IGFN1: variants seen among roughly 807,000 people sequenced by gnomAD.
IGFN1 encodes immunoglobulin-like and fibronectin type III domain-containing protein 1.
IGFN1 carries 253 observed loss-of-function variants against 289.5 expected under a neutral mutation model. That is an observed-to-expected ratio of 0.87 (90% confidence interval 0.79 to 0.97). The LOEUF is 0.97. Ranked by LOEUF, IGFN1 falls within the 50% of genes least tolerant of loss-of-function variation. The pLI is 0.00. For synonymous variants in IGFN1, 1,706 were observed against 1,788.5 expected (o/e 0.95, Z 1.16); for missense variants, 4,470 against 4,686.1 (o/e 0.95, Z 1.35).
At position 201,208,241 on chromosome 1, in the gene IGFN1, G is replaced by C; in HGVS notation, c.3348G>C (p.Arg1116Ser). Residue 1116 changes from arginine to serine, a missense_variant, in exon 12 of 24, where the codon AGG becomes AGC. Arg to Ser is a moderately radical substitution (Grantham distance 110). This residue lies in a region of IGFN1 where 2,011 missense variants were observed against 1,953.4 expected (regional missense o/e 1.03). Coordinates refer to ENST00000335211, the MANE Select transcript of IGFN1 (RefSeq NM_001164586.2). The stretch of plus-strand genomic sequence containing the variant: ...AACCAGAGAGCTCTGGAAGAATAAG[G>C]CCTTGGGGTCAGACTGGAAATTATG... The part of the protein sequence containing the change: ...EAEPESSGRI[R>S]PWGQTGNYGG... The C allele has an allele frequency of 6.5e-7, 1 of 1,536,488 alleles. No homozygotes were observed.
At chr1:201,219,727 G>T (rs1234736371) in intron 18 of IGFN1, among the ~76,000 whole-genome samples, 1 of 152,220 alleles carries the variant, frequency 6.6e-6, no homozygotes, top group Non-Finnish European at 1.5e-5. Flanking sequence ...CACTGCAGGT[G>T]TTCAGGCTGT....
At chr1:201,194,371 C>G (rs1383042545) in intron 3 of IGFN1, 98 bp downstream of exon 3, 19 of 1,345,984 alleles carry the variant, frequency 1.4e-5, no homozygotes, top group Non-Finnish European at 1.7e-5. Flanking sequence ...GGGACCCAGG[C>G]CCTATATCCA....
Position 201,206,176 on chromosome 1 carries a change from T to C in IGFN1, c.1283T>C (p.Ile428Thr). ...TCAGGAGCAGAAGAGTCTGGGAGCATCGAGAGCCAGGGAGAGAAATCCAGA... is the reference window on the plus strand; with the variant it reads ...TCAGGAGCAGAAGAGTCTGGGAGCACCGAGAGCCAGGGAGAGAAATCCAGA... ...QASGAEESGSIESQGEKSREQ... is the reference protein window; with the variant it reads ...QASGAEESGSTESQGEKSREQ... Residue 428 changes from isoleucine to threonine, a missense_variant, in exon 12 of 24, where the codon ATC becomes ACC. Ile to Thr is a moderately conservative substitution (Grantham distance 89). Around this residue, in one of 8 missense-constraint regions of IGFN1, gnomAD observed 2,011 missense variants for 1,953.4 expected, o/e 1.03. Coordinates refer to ENST00000335211, the MANE Select transcript of IGFN1 (RefSeq NM_001164586.2). The C allele has an allele frequency of 1.3e-6, 2 of 1,550,390 alleles. No individual in the cohort carries two copies. The highest frequency in any genetic ancestry group is 8.7e-7 in the Non-Finnish European group (1 of 1,146,804).
chr1:201,204,913 C>A (rs571886984), intron 10 of IGFN1, among the ~76,000 whole-genome samples, 169 bp from the exon 11 acceptor site: 9 of 152,174 alleles, frequency 5.9e-5, no homozygotes, highest in Non-Finnish European at 1.0e-4. Context: ...CCTCATTTTA[C>A]TTGGGGGGAA....
At position 201,224,756 on chromosome 1, in the gene IGFN1, T is replaced by G; in HGVS notation, c.10368T>G (p.Asp3456Glu). The change falls in exon 21 of 24, where the codon GAT becomes GAG. Residue 3456 changes from aspartate to glutamate, a missense_variant. Physicochemically the swap from Asp to Glu is conservative, Grantham distance 45. Around this residue, in one of 8 missense-constraint regions of IGFN1, gnomAD observed 2,218 missense variants for 2,114.1 expected, o/e 1.05. Transcript: ENST00000335211. ...AAAGAAGTGTGACTGTCACTAAGGATGGCCTCACCCAGCTTCTGATCCCTG... is the reference window on the plus strand; with the variant it reads ...AAAGAAGTGTGACTGTCACTAAGGAGGGCCTCACCCAGCTTCTGATCCCTG... The part of the protein sequence containing the change: ...LPKRSVTVTK[D>E]GLTQLLIPVA... 2 of 1,614,210 alleles carry G rather than the reference T, an allele frequency of 1.2e-6. No individual in the cohort carries two copies. Among genetic ancestry groups the G allele is most frequent in the Admixed American group, 1.7e-5 (1 of 60,030 alleles).
Position 201,200,384 on chromosome 1 carries a change from G to A in IGFN1, c.606G>A (p.Lys202=). Residue 202 remains lysine (K), a synonymous_variant, in exon 8 of 24, where the codon AAG becomes AAA. Transcript: ENST00000335211. ...RGMLRRLQEM[K]KEQEDKMAQY... ...TGTTGCGCAGGCTGCAGGAGATGAA[G>A]AAGGAACAGGAGGACAAGATGGCAC... 1.3e-6 allele frequency: 2 copies of A among 1,551,760 alleles called. No homozygotes were observed. The highest frequency in any genetic ancestry group is 1.2e-5 in the South Asian group (1 of 84,064).
At chr1:201,227,807 A>C (rs1277212636) in intron 23 of IGFN1, among the ~76,000 whole-genome samples, 3 of 152,126 alleles carry the variant, frequency 2.0e-5, no homozygotes, top group Non-Finnish European at 4.4e-5. Flanking sequence ...TGCTCACCTA[A>C]GCTTCCCAGT....
intron 17 of IGFN1, among the ~76,000 whole-genome samples, chr1:201,218,184 T>C (rs889356938): frequency 2.0e-5 from 3 of 152,252 alleles, no homozygotes; most frequent in Admixed American, 6.5e-5. Context: ...TCCTTATCTC[T>C]AGAAAGAGAG....
In IGFN1 at chr1:201,207,400, G is replaced by A; in HGVS notation, c.2507G>A (p.Gly836Asp). ...GGTATTGGCAGAATAGAATCTAAGG[G>A]CACAAGTCCTTGGGATGACACACCA... Reference protein sequence around the residue: ...AGGIGRIESKGTSPWDDTPSS... With the variant: ...AGGIGRIESKDTSPWDDTPSS... Residue 836 changes from glycine to aspartate, a missense_variant, in exon 12 of 24, where the codon GGC becomes GAC. Gly to Asp is a moderately conservative substitution (Grantham distance 94, BLOSUM62 -1). Transcript: ENST00000335211. 6.5e-7 allele frequency: 1 copy of A among 1,535,318 alleles called. No individual in the cohort carries two copies. Among genetic ancestry groups the A allele is most frequent in the Non-Finnish European group, 8.7e-7 (1 of 1,145,946 alleles).
At chr1:201,216,356 G>C in intron 15 of IGFN1, 98 bp from the exon 16 acceptor site, 1 of 954,736 alleles carries the variant, frequency 1.0e-6, no homozygotes, top group Admixed American at 2.9e-5. Flanking sequence ...GATGGGGGTG[G>C]GGGGGAGTCG....
rs776376941 is a variant in IGFN1, at chr1:201,207,371, A to G, written c.2478A>G (p.Ala826=). 2 of 1,536,906 alleles carry G rather than the reference A, an allele frequency of 1.3e-6. No individual in the cohort carries two copies. The highest frequency in any genetic ancestry group is 2.4e-5 in the South Asian group (2 of 84,044). The part of the protein sequence containing the change: ...SQGWTAGHRA[A]GGIGRIESKG... Reference sequence around the variant, plus strand: ...GCTGGACAGCAGGTCACAGAGCAGCAGGGGGTATTGGCAGAATAGAATCTA... The same window carrying G: ...GCTGGACAGCAGGTCACAGAGCAGCGGGGGGTATTGGCAGAATAGAATCTA... Residue 826 remains alanine, a synonymous_variant, in exon 12 of 24, where the codon GCA becomes GCG. Transcript: ENST00000335211.
In IGFN1 at chr1:201,212,297, G is replaced by C. The variant is rs565614901; in HGVS notation, c.7404G>C (p.Gly2468=). ...SDERGSTKDL[G]GYGTSGIPEA... ...AGCGAGGCTCCACCAAAGATCTTGGGGGCTATGGAACTTCAGGGATCCCTG... is the reference window on the plus strand; with the variant it reads ...AGCGAGGCTCCACCAAAGATCTTGGCGGCTATGGAACTTCAGGGATCCCTG... Residue 2468 remains glycine (G), a synonymous_variant, in exon 12 of 24, where the codon GGG becomes GGC. Transcript: ENST00000335211. The C allele has an allele frequency of 2.1e-5, 33 of 1,536,512 alleles. 1 individual carries two copies. In the East Asian group the frequency reaches 7.6e-4, roughly 35 times the overall value.
rs372982912 is a variant in IGFN1 at position 201,226,169 on chromosome 1, C to G, written c.10786+46C>G. On this transcript the variant is annotated intron_variant, in intron 22 of 23. Coordinates refer to ENST00000335211, the MANE Select transcript of IGFN1 (RefSeq NM_001164586.2). ...AGGAGCAGGCAGGGTGGGGGTTGCG[C>G]TCTGCAATGCAGTGGGATGCACCCA... is the stretch of plus-strand genomic sequence containing the variant. 70 of 1,509,580 alleles carry G rather than the reference C, an allele frequency of 4.6e-5. No individual in the cohort carries two copies. In the African/African-American group the frequency reaches 6.6e-4, roughly 14 times the overall value. 93.5% of individuals were successfully genotyped at this position (1,509,580 alleles called of 1,614,324 possible). A position where few individuals can be genotyped will look rare whatever the true frequency, so the allele number is the denominator to read the frequency against.
rs1280586573 is a variant in IGFN1, at chr1:201,216,190, C to T, written c.9296-264C>T. ...GCAGGTGCCCATACCAGCCACCGGA[C>T]GGTGGGGCCGGGAGGGGCTGGTGCA... On this transcript the variant is annotated intron_variant, in intron 15 of 23. Transcript: ENST00000335211. 5.3e-5 allele frequency: 32 copies of T among 600,466 alleles called. 1 individual carries two copies. Among genetic ancestry groups the T allele is most frequent in the Middle Eastern group, 4.4e-4 (1 of 2,262 alleles). 37.2% of individuals were successfully genotyped at this position (600,466 alleles called of 1,614,324 possible).
intron 18 of IGFN1, among the ~76,000 whole-genome samples, chr1:201,219,591 A>T (rs901931099): frequency 6.6e-6 from 1 of 152,210 alleles, no homozygotes. Flanking sequence ...GCTGCTCTGT[A>T]TTTCTCATCC....
chr1:201,223,349 ATTATTTAT>A (rs34981617), intron 20 of IGFN1, among the ~76,000 whole-genome samples: 6,147 of 143,066 alleles, frequency 0.043, 182 homozygotes, highest in South Asian at 0.11. Flanking sequence ...TTGGACAAAT[ATTATTTAT>A]TTATTTATTT....
At chr1:201,202,905 G>A (rs1307461498) in intron 9 of IGFN1, among the ~76,000 whole-genome samples, 1 of 151,774 alleles carries the variant, frequency 6.6e-6, no homozygotes, top group African/African-American at 2.4e-5. Flanking sequence ...ACAGGTGTTT[G>A]CCACCACACC....
intron 17 of IGFN1, 132 bp from the exon 18 acceptor site, chr1:201,218,398 C>A: frequency 1.3e-6 from 1 of 779,032 alleles, no homozygotes; most frequent in African/African-American, 1.7e-5. Flanking sequence ...TGAGTCACAG[C>A]GGGTGGAGGG....
intron 18 of IGFN1, among the ~76,000 whole-genome samples, chr1:201,220,605 A>C (rs4915497): frequency 0.91 from 138,329 of 152,330 alleles, 62,964 homozygotes; most frequent in East Asian, 1. Flanking sequence ...CATGGCCCAG[A>C]AACATCATCT....
Sources: gnomAD v4.1 joint callset for allele counts (sites outside exome capture counted in the v4.1 genomes callset) on GRCh38, gnomAD v4.1.1 for gene constraint, gnomAD v4.1.1 regional missense constraint, MANE v1.5 for transcripts, NCBI Gene and HGNC (gene_info 2026-07-23, HGNC 2026-07-21) for gene names.